The following IQGAP3 variants were observed in gnomAD, a reference collection of about 807,000 sequenced individuals.
The protein encoded by IQGAP3 is IQ motif containing GTPase activating protein 3, also known as ras GTPase-activating-like protein IQGAP3.
Under a neutral mutation model 208.2 loss-of-function variants are expected in IQGAP3, and 165 were observed. The observed-to-expected ratio is 0.79, with a 90% CI of 0.70 to 0.90. IQGAP3 has a LOEUF of 0.90. Among genes scored for constraint, IQGAP3 ranks in the 40% least tolerant of loss-of-function variants. The pLI is 0.00. For missense variants in IQGAP3, 1,811 were observed against 2,043.1 expected (o/e 0.89, Z 2.19); for synonymous variants, 703 against 803.6 (o/e 0.87, Z 2.12).
At chr1:156,553,248 T>A (rs1263026818) in intron 13 of IQGAP3, among the ~76,000 whole-genome samples, 1 of 152,100 alleles carries the variant, frequency 6.6e-6, no homozygotes, top group East Asian at 1.9e-4. Flanking sequence ...GCTTCCTTCC[T>A]CACTCAGAGT....
intron 33 of IQGAP3, 63 bp downstream of exon 33, chr1:156,531,097 G>A: frequency 8.8e-7 from 1 of 1,137,274 alleles, no homozygotes; most frequent in South Asian, 1.2e-5. Context: ...AACAGCAGCG[G>A]TGCAGGTGGG....
chr1:156,551,924 C>T (rs753135019), intron 14 of IQGAP3, 50 bp downstream of exon 14: 1 of 1,602,936 alleles, frequency 6.2e-7, no homozygotes, highest in Non-Finnish European at 8.5e-7. Context: ...GGCTAAGGGA[C>T]AGGACTGCCT....
chr1:156,555,548 G>T (rs7550595), intron 12 of IQGAP3, among the ~76,000 whole-genome samples: 146,463 of 152,272 alleles, frequency 0.96, 70,701 homozygotes, highest in East Asian at 1. Context: ...TCTCCTAACA[G>T]AATGTTGTGA....
rs942243250 is a variant in IQGAP3, at chr1:156,526,013, C to T, written c.*473G>A. On this transcript the variant is annotated 3_prime_UTR_variant, in exon 38 of 38. Transcript: ENST00000361170. Reference sequence around the variant, plus strand: ...GTGCAGATCACAGCAGCAGAGCTGCCTAGACTCAGGAAGGGCAGGAACACC... The same window carrying T: ...GTGCAGATCACAGCAGCAGAGCTGCTTAGACTCAGGAAGGGCAGGAACACC... 1 of 177,456 alleles carries T rather than the reference C, an allele frequency of 5.6e-6. No individual in the cohort carries two copies. Among genetic ancestry groups the T allele is most frequent in the Admixed American group, 5.4e-5 (1 of 18,422 alleles). 11.0% of individuals were successfully genotyped at this position (177,456 alleles called of 1,614,324 possible).
At chr1:156,532,386 C>CAA (rs11302550) in intron 32 of IQGAP3, among the ~76,000 whole-genome samples, 1,021 of 81,492 alleles carry the variant, frequency 0.013, 19 homozygotes, top group African/African-American at 0.044. Flanking sequence ...GACTCCATCT[C>CAA]AAAAAAAAAA....
chr1:156,560,416 C>A (rs1676096162), intron 11 of IQGAP3, among the ~76,000 whole-genome samples: 1 of 152,114 alleles, frequency 6.6e-6, no homozygotes, highest in African/African-American at 2.4e-5. Flanking sequence ...GAGGCTGAGG[C>A]AAGAGAATCA....
chr1:156,533,940 C>T, intron 30 of IQGAP3, 65 bp from the exon 31 acceptor site: 8 of 1,606,836 alleles, frequency 5.0e-6, no homozygotes, highest in Non-Finnish European at 6.0e-6. Flanking sequence ...GGGGCCAGCC[C>T]ACTACCCCAT....
chr1:156,532,440 G>T (rs970776067), intron 32 of IQGAP3, among the ~76,000 whole-genome samples: 1 of 150,942 alleles, frequency 6.6e-6, no homozygotes, highest in Non-Finnish European at 1.5e-5. Flanking sequence ...ACAACCCACT[G>T]GCTGTGGAAC....
At position 156,561,980 on chromosome 1, in the gene IQGAP3, A is replaced by G. The variant is rs1676175059; in HGVS notation, c.899T>C (p.Val300Ala). ...GCTCTGTCTTTCCAGGGCATCATCA[A>G]CAACTTCTAGAGCCCCATGGACTGA... ...HVNVHGALEV[V>A]DDALERQSPE... Residue 300 changes from valine (V) to alanine (A), a missense_variant, in exon 10 of 38, where the codon GTT (valine) becomes GCT (alanine). Physicochemically the swap from Val to Ala is moderately conservative, Grantham distance 64 (BLOSUM62 0). Transcript: ENST00000361170. 1 of 1,612,956 alleles carries G rather than the reference A, an allele frequency of 6.2e-7. No homozygotes were observed. The highest frequency in any genetic ancestry group is 2.2e-5 in the East Asian group (1 of 44,850).
chr1:156,540,665 G>A, intron 23 of IQGAP3, 43 bp downstream of exon 23: 2 of 1,535,820 alleles, frequency 1.3e-6, no homozygotes, highest in Non-Finnish European at 1.8e-6. Flanking sequence ...CATCTCCAGA[G>A]GCAGGCAGAT....
At chr1:156,560,404 G>A (rs941062572) in intron 11 of IQGAP3, among the ~76,000 whole-genome samples, 16 of 152,114 alleles carry the variant, frequency 1.1e-4, no homozygotes, top group Admixed American at 5.9e-4. Context: ...CCAGCTACTC[G>A]GGAGGCTGAG....
At chr1:156,528,815 G>A (rs1674237962) in intron 35 of IQGAP3, 101 bp downstream of exon 35, 2 of 1,389,614 alleles carry the variant, frequency 1.4e-6, no homozygotes, top group African/African-American at 1.4e-5. Context: ...TGTGCTGGGT[G>A]AGATTCCCCT....
At chr1:156,547,692 A>G (rs1481943197) in intron 19 of IQGAP3, among the ~76,000 whole-genome samples, 1 of 152,222 alleles carries the variant, frequency 6.6e-6, no homozygotes, top group Non-Finnish European at 1.5e-5. Context: ...ATAATGATAT[A>G]AATAGCATGG....
chr1:156,572,395 C>A (rs1676684006), intron 1 of IQGAP3, 98 bp downstream of exon 1: 1 of 1,353,386 alleles, frequency 7.4e-7, no homozygotes, highest in Admixed American at 1.7e-5. Context: ...GCCCCTCAGG[C>A]TTCACGCCCG....
At position 156,556,712 on chromosome 1, in the gene IQGAP3, A is replaced by G; in HGVS notation, c.1130-19T>C. 1 of 1,508,794 alleles carries G rather than the reference A, an allele frequency of 6.6e-7. No individual in the cohort carries two copies. Among genetic ancestry groups the G allele is most frequent in the African/African-American group, 1.4e-5 (1 of 71,608 alleles). The allele number at this position is 1,508,794 out of a possible 1,614,324, so 93.5% of individuals were successfully genotyped here. A position where few individuals can be genotyped will look rare whatever the true frequency, so the allele number is the denominator to read the frequency against. The stretch of plus-strand genomic sequence containing the variant: ...TGGAGCACTGCAAGGCAGGAGAGCA[A>G]CAGGTTGTACTGGCCGGGCATTCAG... On this transcript the variant is annotated intron_variant, in intron 11 of 37. Transcript: ENST00000361170.
chr1:156,532,842 G>A (rs1674475570), intron 32 of IQGAP3, 138 bp downstream of exon 32: 1 of 830,948 alleles, frequency 1.2e-6, no homozygotes. Context: ...GGGAATAAAG[G>A]TAGGCTTCAG....
chr1:156,536,528 A>G (rs1220841514), intron 27 of IQGAP3, among the ~76,000 whole-genome samples: 1 of 152,232 alleles, frequency 6.6e-6, no homozygotes, highest in African/African-American at 2.4e-5. Flanking sequence ...ACAAAGTTAC[A>G]TCCAGGTAGA....
chr1:156,539,966 G>T lies in IQGAP3; in HGVS notation c.2764C>A (p.Leu922Met). 3.7e-6 allele frequency: 6 copies of T among 1,614,138 alleles called. No individual in the cohort carries two copies. Among genetic ancestry groups the T allele is most frequent in the Non-Finnish European group, 5.1e-6 (6 of 1,180,036 alleles). The change falls in exon 24 of 38, where the codon CTG becomes ATG. Residue 922 changes from leucine (L) to methionine (M), a missense_variant. Transcript: ENST00000361170. ...AGCTGTTCCTTATTCCTCTTGGTCA[G>T]CTTCTTGCAGTGGGAGACCACTTCC... ...LQEVVSHCKK[L>M]TKRNKEQLSD...
chr1:156,564,273 G>A (rs147781624), intron 5 of IQGAP3, among the ~76,000 whole-genome samples: 1 of 152,002 alleles, frequency 6.6e-6, no homozygotes, highest in Non-Finnish European at 1.5e-5. Flanking sequence ...TAGGACCAAA[G>A]AGCCTACACC....
Sources: gnomAD v4.1 joint callset for allele counts (sites outside exome capture counted in the v4.1 genomes callset) on GRCh38, gnomAD v4.1.1 for gene constraint, MANE v1.5 for transcripts, NCBI Gene and HGNC (gene_info 2026-07-23, HGNC 2026-07-21) for gene names.